Variants in NLGN1 observed in about 807,000 individuals in gnomAD.
NLGN1 encodes the protein neuroligin 1.
A neutral mutation model predicts 65.5 loss-of-function variants in NLGN1; 12 were observed. That is an observed-to-expected ratio of 0.18 (90% CI 0.12 to 0.30). NLGN1 has a LOEUF of 0.30. Ranked by LOEUF, NLGN1 falls within the 10% of genes least tolerant of loss-of-function variation. NLGN1 has a pLI of 1.00. For synonymous variants in NLGN1, 350 were observed against 359.5 expected (o/e 0.97, Z 0.30); for missense variants, 750 against 1,007.1 (o/e 0.74, Z 3.46).
Position 173,902,931 on chromosome 3 carries a change from G to A in NLGN1, c.646+95099G>A, listed in dbSNP as rs926322890. On this transcript the variant is annotated intron_variant, in intron 4 of 6. Coordinates refer to ENST00000457714, the Ensembl canonical transcript of NLGN1. ...TTGTATTAAAGAGGTCTCATGGGGT[G>A]AAACAGATAAACACAATAAAAGTAC... Among the ~76,000 whole-genome samples the A allele has an allele frequency of 2.0e-5, 3 of 152,202 alleles. No individual in the cohort carries two copies. In the East Asian group the frequency reaches 5.8e-4, roughly 29 times the overall value.
intron 4 of NLGN1, among the ~76,000 whole-genome samples, chr3:174,053,689 G>A (rs1024612148): frequency 2.6e-5 from 4 of 151,580 alleles, no homozygotes; most frequent in Admixed American, 2.0e-4. Flanking sequence ...TTTCTTACTC[G>A]AGCCATCTTG....
At chr3:173,758,353 A>G (rs866774099) in intron 3 of NLGN1, among the ~76,000 whole-genome samples, 1 of 152,078 alleles carries the variant, frequency 6.6e-6, no homozygotes, top group African/African-American at 2.4e-5. Flanking sequence ...CAATGGACAT[A>G]TGGAAATTTA....
intron 3 of NLGN1, chr3:173,789,967 C>CT: frequency 2.2e-6 from 1 of 448,722 alleles, no homozygotes; most frequent in South Asian, 1.6e-5. Flanking sequence ...CTACCCTTGT[C>CT]TTTTTTTAAT....
chr3:173,580,527 G>A (rs1031289648), intron 2 of NLGN1, among the ~76,000 whole-genome samples: 1 of 151,766 alleles, frequency 6.6e-6, no homozygotes, highest in Non-Finnish European at 1.5e-5. Context: ...TAGTTTTATT[G>A]TTTGATCTAT....
intron 2 of NLGN1, among the ~76,000 whole-genome samples, chr3:173,526,349 C>G (rs967467984): frequency 1.3e-5 from 2 of 151,402 alleles, no homozygotes; most frequent in Non-Finnish European, 2.9e-5. Flanking sequence ...CTGTTGTTGG[C>G]TTAACATCTG....
At chr3:173,536,269 C>T (rs183220546) in intron 2 of NLGN1, among the ~76,000 whole-genome samples, 1 of 152,148 alleles carries the variant, frequency 6.6e-6, no homozygotes, top group Non-Finnish European at 1.5e-5. Flanking sequence ...TAATCACAGT[C>T]TATTCTGGAG....
intron 2 of NLGN1, among the ~76,000 whole-genome samples, chr3:173,450,440 C>T (rs1487161225): frequency 1.3e-5 from 2 of 152,206 alleles, no homozygotes; most frequent in Admixed American, 1.3e-4. Context: ...AGCTGTTAGT[C>T]TGATGGGCTT....
chr3:173,819,841 C>G (rs1242333116), intron 4 of NLGN1, among the ~76,000 whole-genome samples: 2 of 152,134 alleles, frequency 1.3e-5, no homozygotes, highest in Non-Finnish European at 2.9e-5. Flanking sequence ...GAAATGAATT[C>G]ACTGTGTGCC....
chr3:173,422,497 A>G (rs1228298761), intron 1 of NLGN1, among the ~76,000 whole-genome samples: 1 of 152,218 alleles, frequency 6.6e-6, no homozygotes, highest in Non-Finnish European at 1.5e-5. Context: ...CAGCAGTAAG[A>G]TTGCCAGGTC....
intron 2 of NLGN1, among the ~76,000 whole-genome samples, chr3:173,586,618 G>A (rs1747490019): frequency 6.6e-6 from 1 of 152,208 alleles, no homozygotes; most frequent in African/African-American, 2.4e-5. Flanking sequence ...TATTTCAGTA[G>A]ACGTTGTGTA....
intron 3 of NLGN1, among the ~76,000 whole-genome samples, chr3:173,732,409 G>T (rs1418013022): frequency 6.6e-6 from 1 of 152,090 alleles, no homozygotes; most frequent in African/African-American, 2.4e-5. Context: ...CACAGTTAAT[G>T]TAGCCCTAAG....
chr3:173,559,876 T>G (rs527529343), intron 2 of NLGN1, among the ~76,000 whole-genome samples: 2 of 152,074 alleles, frequency 1.3e-5, no homozygotes, highest in African/African-American at 2.4e-5. Context: ...CTTCTAATTA[T>G]TAATGAAAAA....
intron 4 of NLGN1, among the ~76,000 whole-genome samples, chr3:174,157,413 C>T (rs977565498): frequency 6.6e-6 from 1 of 151,444 alleles, no homozygotes; most frequent in Non-Finnish European, 1.5e-5. Context: ...TATTATAAGT[C>T]ACTATTAAAT....
intron 4 of NLGN1, among the ~76,000 whole-genome samples, chr3:174,031,617 A>G (rs1025964964): frequency 6.6e-6 from 1 of 152,222 alleles, no homozygotes; most frequent in Non-Finnish European, 1.5e-5. Flanking sequence ...TCACAGATTA[A>G]GACCTCTTAA....
chr3:173,564,739 G>T (rs1743347689), intron 2 of NLGN1, among the ~76,000 whole-genome samples: 1 of 152,168 alleles, frequency 6.6e-6, no homozygotes, highest in Non-Finnish European at 1.5e-5. Flanking sequence ...GTCAATCATT[G>T]TTGCTGCAAA....
At chr3:174,061,056 G>A (rs1226849127) in intron 4 of NLGN1, among the ~76,000 whole-genome samples, 1 of 152,020 alleles carries the variant, frequency 6.6e-6, no homozygotes, top group Admixed American at 6.6e-5. Context: ...ATTAAATAAG[G>A]TCTCAATATC....
chr3:173,805,867 A>G (rs1329903015), intron 3 of NLGN1, among the ~76,000 whole-genome samples: 1 of 152,178 alleles, frequency 6.6e-6, no homozygotes, highest in Non-Finnish European at 1.5e-5. Context: ...TAACAATCTC[A>G]AAAGGATTGC....
At chr3:174,144,885 G>C (rs1436105426) in intron 4 of NLGN1, among the ~76,000 whole-genome samples, 1 of 152,104 alleles carries the variant, frequency 6.6e-6, no homozygotes, top group South Asian at 2.1e-4. Flanking sequence ...TTCTTTTGCT[G>C]TGCAGAAGCT....
intron 1 of NLGN1, among the ~76,000 whole-genome samples, chr3:173,404,922 C>T (rs368226602): frequency 3.9e-5 from 6 of 152,120 alleles, no homozygotes; most frequent in African/African-American, 1.2e-4. Context: ...ATTCCACAAT[C>T]GTTCTCTACT....
Sources: allele counts gnomAD v4.1 joint callset (sites outside exome capture counted in the v4.1 genomes callset), GRCh38; gene constraint gnomAD v4.1.1; transcripts MANE v1.5; gene names NCBI Gene and HGNC (gene_info 2026-07-23, HGNC 2026-07-21).